DNAJC5B: variants seen among roughly 807,000 people sequenced by gnomAD.
DNAJC5B encodes the protein dnaJ homolog subfamily C member 5B.
A neutral mutation model predicts 24.7 loss-of-function variants in DNAJC5B; 23 were observed. The ratio of observed to expected loss-of-function variants is 0.93; its 90% CI spans 0.67 to 1.32. The LOEUF (loss-of-function observed/expected upper bound fraction) is 1.32, where lower values mean the gene tolerates loss of function less well. Ranked by LOEUF, DNAJC5B falls within the 40% of genes most tolerant of loss-of-function variation. DNAJC5B has a pLI of 0.00. For synonymous variants in DNAJC5B, 101 were observed against 90.1 expected, an observed-to-expected ratio of 1.12 and a Z score of -0.68; for missense variants, 238 against 240.8, an observed-to-expected ratio of 0.99 and a Z score of 0.08.
At chr8:66,076,567 A>G in intron 3 of DNAJC5B, 93 bp from the exon 4 acceptor site, 4 of 1,334,352 alleles carry the variant, frequency 3.0e-6, no homozygotes, top group Non-Finnish European at 4.2e-6. Context: ...TTGCGCTAAT[A>G]AAGAATATAC....
At position 66,076,741 on chromosome 8, in the gene DNAJC5B, C is replaced by T; in HGVS notation, c.201C>T (p.Ala67=). The T allele has an allele frequency of 6.2e-7, 1 of 1,614,090 alleles. No homozygotes were observed. The highest frequency in any genetic ancestry group is 2.2e-5 in the East Asian group (1 of 44,882). Residue 67 remains alanine (A), a synonymous_variant, in exon 4 of 6, where the codon GCC becomes GCT. Transcript: ENST00000276570. Reference sequence around the variant, plus strand: ...AGAAGTTTAAAGAAATCAACAACGCCCACGCAATACTTACCGACATTTCAA... The same window carrying T: ...AGAAGTTTAAAGAAATCAACAACGCTCACGCAATACTTACCGACATTTCAA... ...ATEKFKEINN[A]HAILTDISKR...
chr8:66,096,683 A>G (rs1244721541), intron 5 of DNAJC5B, among the ~76,000 whole-genome samples: 1 of 152,104 alleles, frequency 6.6e-6, no homozygotes, highest in Non-Finnish European at 1.5e-5. Flanking sequence ...ATATACTTAC[A>G]TTAGCTTTCT....
At chr8:66,055,927 T>C (rs11777972) in intron 3 of DNAJC5B, among the ~76,000 whole-genome samples, 48,832 of 152,038 alleles carry the variant, frequency 0.32, 11,687 homozygotes, top group African/African-American at 0.66. Context: ...GCAGCCTGGG[T>C]GACAGAGTGA....
At chr8:66,069,925 A>T (rs1807308479) in intron 3 of DNAJC5B, among the ~76,000 whole-genome samples, 1 of 152,230 alleles carries the variant, frequency 6.6e-6, no homozygotes, top group South Asian at 2.1e-4. Flanking sequence ...CAATAAACAT[A>T]ATCCATCAAG....
Position 66,100,016 on chromosome 8 carries a change from T to G in DNAJC5B, c.585T>G (p.Tyr195Ter). ...TAATCAAAGAAGGATCTCGAAGTTA[T>G]TGCACAGACTCTTGATATTGAGCCC... ...TQLIKEGSRS[Y>*]CTDS Residue 195 changes from tyrosine (Y) to a stop codon, truncating the protein, a stop_gained, in exon 6 of 6, where the codon TAT (tyrosine) becomes TAG (stop). Transcript: ENST00000276570. LOFTEE classifies it high-confidence loss of function. 2.5e-6 allele frequency: 4 copies of G among 1,613,950 alleles called. No homozygotes were observed. The highest frequency in any genetic ancestry group is 3.4e-6 in the Non-Finnish European group (4 of 1,179,900).
chr8:66,091,646 A>G (rs751421788), intron 5 of DNAJC5B, among the ~76,000 whole-genome samples: 1 of 152,206 alleles, frequency 6.6e-6, no homozygotes, highest in African/African-American at 2.4e-5. Context: ...AGATATGCTT[A>G]GACAAAGGTT....
chr8:66,034,006 G>A (rs772302946), intron 1 of DNAJC5B, among the ~76,000 whole-genome samples: 6 of 151,962 alleles, frequency 3.9e-5, no homozygotes, highest in African/African-American at 9.7e-5. Context: ...CCCTTGCTCC[G>A]TTAATAACTG....
chr8:66,078,187 G>A (rs1453783431), intron 4 of DNAJC5B, among the ~76,000 whole-genome samples: 1 of 152,128 alleles, frequency 6.6e-6, no homozygotes, highest in African/African-American at 2.4e-5. Flanking sequence ...TGACAAAATT[G>A]ATCAAAATTC....
intron 3 of DNAJC5B, among the ~76,000 whole-genome samples, 170 bp from the exon 4 acceptor site, chr8:66,076,490 G>C (rs182217419): frequency 1.2e-4 from 19 of 152,272 alleles, no homozygotes; most frequent in African/African-American, 4.1e-4. Context: ...TTCGAACCAA[G>C]GGACATCATT....
At chr8:66,028,309 C>T (rs1053176920) in intron 1 of DNAJC5B, among the ~76,000 whole-genome samples, 2 of 152,106 alleles carry the variant, frequency 1.3e-5, no homozygotes, top group South Asian at 2.1e-4. Flanking sequence ...TCATTCTTGG[C>T]GTGCAAAGCA....
upstream of DNAJC5B, among the ~76,000 whole-genome samples, chr8:66,019,564 A>C (rs1183925923): frequency 6.6e-6 from 1 of 152,212 alleles, no homozygotes; most frequent in African/African-American, 2.4e-5. Context: ...CATTTAAGGC[A>C]ATTAATACTG....
intron 1 of DNAJC5B, among the ~76,000 whole-genome samples, chr8:66,028,237 G>T (rs747796022): frequency 6.6e-6 from 1 of 152,096 alleles, no homozygotes; most frequent in Non-Finnish European, 1.5e-5. Context: ...TTTTGGCCCC[G>T]GCACAACCGC....
intron 3 of DNAJC5B, among the ~76,000 whole-genome samples, chr8:66,067,409 G>A (rs1306336763): frequency 6.6e-6 from 1 of 152,036 alleles, no homozygotes; most frequent in South Asian, 2.1e-4. Context: ...TAATCCAGGA[G>A]AAAGGGTAAA....
intron 1 of DNAJC5B, among the ~76,000 whole-genome samples, chr8:66,031,531 T>C (rs900589963): frequency 1.3e-5 from 2 of 152,156 alleles, no homozygotes; most frequent in Admixed American, 6.5e-5. Flanking sequence ...GATATATGTG[T>C]GTAATGTATG....
chr8:66,047,646 A>T (rs951632589), intron 2 of DNAJC5B, among the ~76,000 whole-genome samples: 7 of 152,200 alleles, frequency 4.6e-5, no homozygotes, highest in Non-Finnish European at 1.0e-4. Flanking sequence ...GTAAAGCCTA[A>T]TTCCCTGTTC....
the DNAJC5B span, among the ~76,000 whole-genome samples, chr8:66,015,053 TC>T: frequency 6.6e-6 from 1 of 152,198 alleles, no homozygotes; most frequent in South Asian, 2.1e-4. Context: ...TTCCTGTGAT[TC>T]TAACACCAAG....
Position 66,054,114 on chromosome 8 carries a change from AAC to A in DNAJC5B, c.119+2452_119+2453del, listed in dbSNP as rs558733754. On this transcript the variant is annotated intron_variant, in intron 3 of 5. Coordinates refer to ENST00000276570, the MANE Select transcript of DNAJC5B (RefSeq NM_033105.6). ...CTTATACTTAATATACATATATTATAACACATATTTTCAATTACTTATTTTCT... is the reference window on the plus strand; with the variant it reads ...CTTATACTTAATATACATATATTATAACATATTTTCAATTACTTATTTTCT... Among the ~76,000 whole-genome samples, 541 of 152,180 alleles carry A rather than the reference AAC, an allele frequency of 3.6e-3. 1 individual carries two copies. Among genetic ancestry groups the A allele is most frequent in the African/African-American group, 0.013 (528 of 41,532 alleles).
intron 3 of DNAJC5B, among the ~76,000 whole-genome samples, chr8:66,061,264 C>A (rs1807074714): frequency 6.6e-6 from 1 of 152,086 alleles, no homozygotes; most frequent in African/African-American, 2.4e-5. Flanking sequence ...CGCACTCCAG[C>A]CTGGGCAACA....
chr8:66,092,649 C>T (rs2128966750), intron 5 of DNAJC5B, among the ~76,000 whole-genome samples: 1 of 152,252 alleles, frequency 6.6e-6, no homozygotes, highest in South Asian at 2.1e-4. Context: ...GATCTTAAAT[C>T]ATGTGTAACC....
Sources: gnomAD v4.1 joint callset for allele counts (sites outside exome capture counted in the v4.1 genomes callset) on GRCh38, gnomAD v4.1.1 for gene constraint, MANE v1.5 for transcripts, NCBI Gene and HGNC (gene_info 2026-07-23, HGNC 2026-07-21) for gene names.